Variants in USF3 observed in about 807,000 individuals in gnomAD.
USF3 encodes the protein upstream transcription factor family member 3.
A neutral mutation model predicts 157.5 loss-of-function variants in USF3; 29 were observed. That is an observed-to-expected ratio of 0.18 (90% CI 0.14 to 0.25). The LOEUF (loss-of-function observed/expected upper bound fraction) is 0.25, where lower values mean the gene tolerates loss of function less well. Among genes scored for constraint, USF3 ranks in the 10% least tolerant of loss-of-function variants. The pLI is 1.00. For missense variants in USF3, 2,381 were observed against 2,667.6 expected, an observed-to-expected ratio of 0.89 and a Z score of 2.37; for synonymous variants, 893 against 941.4, an observed-to-expected ratio of 0.95 and a Z score of 0.94.
intron 5 of USF3, among the ~76,000 whole-genome samples, chr3:113,668,449 A>T (rs1381605064): frequency 6.6e-6 from 1 of 151,848 alleles, no homozygotes; most frequent in African/African-American, 2.4e-5. Flanking sequence ...TGAAAAAATT[A>T]ATAGCTATCC....
intron 1 of USF3, among the ~76,000 whole-genome samples, chr3:113,679,627 T>A (rs1707365799): frequency 6.6e-6 from 1 of 152,106 alleles, no homozygotes; most frequent in South Asian, 2.1e-4. Context: ...TTGGCCAGCC[T>A]GGTCTCAAAC....
Position 113,657,450 on chromosome 3 carries a change from G to C in USF3, c.4232C>G (p.Pro1411Arg). 6.2e-7 allele frequency: 1 copy of C among 1,614,142 alleles called. No individual in the cohort carries two copies. The highest frequency in any genetic ancestry group is 8.5e-7 in the Non-Finnish European group (1 of 1,180,016). ...LFPPSNNFVT[P>R]ALRQTEVQCG... ...CTGAACTTCAGTTTGCCTCAATGCAGGAGTCACAAAGTTGTTACTAGGTGG... is the reference window on the plus strand; with the variant it reads ...CTGAACTTCAGTTTGCCTCAATGCACGAGTCACAAAGTTGTTACTAGGTGG... The change falls in exon 7 of 7, where the codon CCT becomes CGT. Residue 1411 changes from proline (P) to arginine (R), a missense_variant. Transcript: ENST00000316407.
rs1327748394 is a variant in USF3, at chr3:113,660,875, A to C, written c.807T>G (p.His269Gln). 1 of 1,614,074 alleles carries C rather than the reference A, an allele frequency of 6.2e-7. No individual in the cohort carries two copies. Among genetic ancestry groups the C allele is most frequent in the Non-Finnish European group, 8.5e-7 (1 of 1,180,034 alleles). The change falls in exon 7 of 7, where the codon CAT becomes CAG. Residue 269 changes from histidine (H) to glutamine (Q), a missense_variant. Transcript: ENST00000316407. The part of the protein sequence containing the change: ...VSIESEPHQH[H>Q]SLHTCLNDQN... ...GATCATTTAGGCATGTGTGCAAAGA[A>C]TGATGTTGGTGAGGCTCAGATTCAA...
intron 5 of USF3, among the ~76,000 whole-genome samples, chr3:113,666,054 C>A (rs1444332995): frequency 6.6e-6 from 1 of 151,554 alleles, no homozygotes; most frequent in Non-Finnish European, 1.5e-5. Context: ...CGTGGTGGCA[C>A]ATGCCTGTAA....
chr3:113,665,360 A>G (rs1387704448), intron 5 of USF3, among the ~76,000 whole-genome samples: 4 of 152,252 alleles, frequency 2.6e-5, no homozygotes, highest in African/African-American at 9.6e-5. Flanking sequence ...TCTGTTTACC[A>G]CAACTACGAA....
At position 113,659,919 on chromosome 3, in the gene USF3, T is replaced by C; in HGVS notation, c.1763A>G (p.Gln588Arg). 1 of 1,614,212 alleles carries C rather than the reference T, an allele frequency of 6.2e-7. No individual in the cohort carries two copies. Among genetic ancestry groups the C allele is most frequent in the Non-Finnish European group, 8.5e-7 (1 of 1,180,034 alleles). ...AGCAGGGAGGAGTGGCAAAGGATTCTGATTAGCAGCCTGTATGATTACTAT... is the reference window on the plus strand; with the variant it reads ...AGCAGGGAGGAGTGGCAAAGGATTCCGATTAGCAGCCTGTATGATTACTAT... Reference protein sequence around the residue: ...QQIVIIQAANQNPLPLLPAPP... With the variant: ...QQIVIIQAANRNPLPLLPAPP... Residue 588 changes from glutamine (Q) to arginine (R), a missense_variant, in exon 7 of 7, where the codon CAG (glutamine) becomes CGG (arginine). Physicochemically the swap from Gln to Arg is conservative, Grantham distance 43 (BLOSUM62 1). This residue lies in a region of USF3 where 1,435 missense variants were observed against 1,550.9 expected (regional missense o/e 0.93). Transcript: ENST00000316407.
At chr3:113,675,676 T>G (rs2107944474) in intron 2 of USF3, among the ~76,000 whole-genome samples, 1 of 152,360 alleles carries the variant, frequency 6.6e-6, no homozygotes, top group Admixed American at 6.5e-5. Flanking sequence ...TCCCAGAGAT[T>G]GACAACTGTA....
rs751222922 is a variant in USF3 at position 113,670,230 on chromosome 3, A to T, written c.77-27T>A. On this transcript the variant is annotated intron_variant, in intron 4 of 6. Coordinates refer to ENST00000316407, the MANE Select transcript of USF3 (RefSeq NM_001009899.4). Reference sequence around the variant, plus strand: ...TAGATGGGAGAAAATTCGTTTATCAAACCTTACACTACTTAGTCAAAGTGC... The same window carrying T: ...TAGATGGGAGAAAATTCGTTTATCATACCTTACACTACTTAGTCAAAGTGC... The T allele has an allele frequency of 6.9e-6, 9 of 1,311,968 alleles. No individual in the cohort carries two copies. The Middle Eastern group carries it at 5.5e-4, about 80-fold the overall frequency. 81.3% of individuals were successfully genotyped at this position (1,311,968 alleles called of 1,614,324 possible).
rs1350752669 is a variant in USF3, at chr3:113,657,221, G to A, written c.4461C>T (p.His1487=). The A allele has an allele frequency of 1.2e-6, 2 of 1,613,920 alleles. No homozygotes were observed. Among genetic ancestry groups the A allele is most frequent in the African/African-American group, 1.3e-5 (1 of 74,938 alleles). ...QQAGQLRERH[H]LYQMQHHVPH... ...GTACATGATGCTGCATTTGATATAA[G>A]TGATGCCTCTCTCTTAACTGCCCTG... The change falls in exon 7 of 7, where the codon CAC becomes CAT. Residue 1487 remains histidine (H), a synonymous_variant. Coordinates refer to ENST00000316407, the MANE Select transcript of USF3 (RefSeq NM_001009899.4).
intron 5 of USF3, among the ~76,000 whole-genome samples, chr3:113,669,314 T>TAAA (rs77336911): frequency 7.1e-6 from 1 of 140,574 alleles, no homozygotes; most frequent in Non-Finnish European, 1.6e-5. Context: ...AATATAACAG[T>TAAA]AAAAAAAAAA....
rs554466744 is a variant in USF3 at position 113,667,968 on chromosome 3, G to C, written c.159+2153C>G. ...AAATGAAGAGTAAGTCCTTTCCAAG[G>C]GAGATAACATAGAGAAGCAAGCTGA... is the stretch of plus-strand genomic sequence containing the variant. On this transcript the variant is annotated intron_variant, in intron 5 of 6. Transcript: ENST00000316407. Among the ~76,000 whole-genome samples, 3 of 152,192 alleles carry C rather than the reference G, an allele frequency of 2.0e-5. No homozygotes were observed. In the South Asian group the frequency reaches 6.2e-4, roughly 32 times the overall value.
rs563293381 is a variant in USF3 at position 113,664,321 on chromosome 3, T to C, written c.248A>G (p.Asn83Ser). The C allele has an allele frequency of 8.2e-5, 129 of 1,580,880 alleles. No individual in the cohort carries two copies. In the South Asian group the frequency reaches 1.3e-3, roughly 16 times the overall value. Reference protein sequence around the residue: ...NDELLLNGGNNEQAEEIKKLR... With the variant: ...NDELLLNGGNSEQAEEIKKLR... Reference sequence around the variant, plus strand: ...AACTTTTAAATCTTTACCTTGTTCATTGTTTCCTCCATTAAGCAGGAGTTC... The same window carrying C: ...AACTTTTAAATCTTTACCTTGTTCACTGTTTCCTCCATTAAGCAGGAGTTC... Residue 83 changes from asparagine (N) to serine (S), a missense_variant, in exon 6 of 7, where the codon AAT becomes AGT. Coordinates refer to ENST00000316407, the MANE Select transcript of USF3 (RefSeq NM_001009899.4).
At chr3:113,684,694 TTTTTAATTA>T (rs1707509950) in intron 1 of USF3, among the ~76,000 whole-genome samples, 1 of 152,192 alleles carries the variant, frequency 6.6e-6, no homozygotes. Flanking sequence ...TGCTTGATTC[TTTTTAATTA>T]TTTTAATCTC....
chr3:113,680,954 G>T (rs1252045160), intron 1 of USF3, among the ~76,000 whole-genome samples: 1 of 151,780 alleles, frequency 6.6e-6, no homozygotes, highest in African/African-American at 2.4e-5. Context: ...GTACTGTTAG[G>T]TTCTTTATTT....
At chr3:113,665,595 G>C (rs538578061) in intron 5 of USF3, among the ~76,000 whole-genome samples, 3 of 152,320 alleles carry the variant, frequency 2.0e-5, no homozygotes, top group Admixed American at 6.5e-5. Flanking sequence ...GGGAGGCCGA[G>C]GCGGGCAGAC....
chr3:113,679,440 G>A (rs1410488850), intron 1 of USF3, among the ~76,000 whole-genome samples: 2 of 137,292 alleles, frequency 1.5e-5, no homozygotes, highest in Non-Finnish European at 3.1e-5. Context: ...TTGAGACAGA[G>A]TCTCGCTGTG....
At chr3:113,679,618 T>C (rs959686291) in intron 1 of USF3, among the ~76,000 whole-genome samples, 4 of 152,078 alleles carry the variant, frequency 2.6e-5, no homozygotes, top group African/African-American at 9.7e-5. Flanking sequence ...TTCACCATGT[T>C]GGCCAGCCTG....
chr3:113,659,531 G>A lies in USF3; in HGVS notation c.2151C>T (p.Ser717=), dbSNP rs1449678844. 7.4e-6 allele frequency: 12 copies of A among 1,614,210 alleles called. No individual in the cohort carries two copies. The highest frequency in any genetic ancestry group is 3.3e-5 in the South Asian group (3 of 91,088). ...AGCTTTGCCCAGCCATCTGTGATATGCTTTGATTGAGGCTGGCCAAAGCAC... is the reference window on the plus strand; with the variant it reads ...AGCTTTGCCCAGCCATCTGTGATATACTTTGATTGAGGCTGGCCAAAGCAC... ...TFGALASLNQ[S]ISQMAGQSCV... Residue 717 remains serine, a synonymous_variant, in exon 7 of 7, where the codon AGC becomes AGT. Coordinates refer to ENST00000316407, the MANE Select transcript of USF3 (RefSeq NM_001009899.4).
At chr3:113,662,429 CA>C (rs765544464) in intron 6 of USF3, among the ~76,000 whole-genome samples, 1 of 152,326 alleles carries the variant, frequency 6.6e-6, no homozygotes, top group Non-Finnish European at 1.5e-5. Flanking sequence ...CACACATCCC[CA>C]TCTGCCTTGA....
Sources: allele counts gnomAD v4.1 joint callset (sites outside exome capture counted in the v4.1 genomes callset), GRCh38; gene constraint gnomAD v4.1.1; regional missense constraint gnomAD v4.1.1; transcripts MANE v1.5; gene names NCBI Gene and HGNC (gene_info 2026-07-23, HGNC 2026-07-21).